The following TGFBR3 variants were observed in gnomAD, a reference collection of about 807,000 sequenced individuals.
TGFBR3 encodes transforming growth factor beta receptor 3.
In TGFBR3, 46 loss-of-function variants were observed where a neutral mutation model predicts 87.9. That is an observed-to-expected ratio of 0.52 (90% CI 0.41 to 0.67). The LOEUF is 0.67. TGFBR3 is among the 30% of genes least tolerant of loss of function. The pLI is 0.00. For synonymous variants in TGFBR3, 381 were observed against 391.6 expected, an observed-to-expected ratio of 0.97 and a Z score of 0.32; for missense variants, 866 against 1,041.9, an observed-to-expected ratio of 0.83 and a Z score of 2.32.
intron 4 of TGFBR3, among the ~76,000 whole-genome samples, chr1:91,748,408 G>C (rs1673420658): frequency 6.6e-6 from 1 of 152,200 alleles, no homozygotes; most frequent in Non-Finnish European, 1.5e-5. Flanking sequence ...CTCCAACTGG[G>C]ACCCCAGAGG....
At chr1:91,711,866 A>G (rs1671993645) in intron 13 of TGFBR3, among the ~76,000 whole-genome samples, 1 of 152,218 alleles carries the variant, frequency 6.6e-6, no homozygotes, top group African/African-American at 2.4e-5. Context: ...AAAAACAATG[A>G]CAATGCCAGT....
At chr1:91,782,519 T>C (rs1674811083) in intron 3 of TGFBR3, among the ~76,000 whole-genome samples, 1 of 152,156 alleles carries the variant, frequency 6.6e-6, no homozygotes, top group Non-Finnish European at 1.5e-5. Flanking sequence ...TGCTTGCACA[T>C]CGACTGACCT....
intron 1 of TGFBR3, chr1:91,864,054 T>C (rs1557751404): frequency 6.6e-6 from 1 of 152,234 alleles, no homozygotes; most frequent in Non-Finnish European, 1.5e-5. Context: ...TCTGAAACAA[T>C]ATGCTATTTC....
chr1:91,862,489 C>T (rs1343650924), intron 1 of TGFBR3, among the ~76,000 whole-genome samples: 1 of 152,192 alleles, frequency 6.6e-6, no homozygotes, highest in African/African-American at 2.4e-5. Flanking sequence ...TGTCTCTCAG[C>T]CCATCTGAGA....
intron 3 of TGFBR3, among the ~76,000 whole-genome samples, chr1:91,779,864 C>T (rs11589149): frequency 1.3e-5 from 2 of 152,138 alleles, no homozygotes; most frequent in Non-Finnish European, 2.9e-5. Flanking sequence ...ATCAGCATTG[C>T]TAGGCCAAAA....
intron 3 of TGFBR3, among the ~76,000 whole-genome samples, chr1:91,769,687 T>C (rs1405152363): frequency 6.6e-6 from 1 of 152,034 alleles, no homozygotes; most frequent in Non-Finnish European, 1.5e-5. Context: ...GGATGCCCTG[T>C]TTCCATGTGT....
chr1:91,716,480 T>A (rs529062256), intron 11 of TGFBR3, 86 bp from the exon 12 acceptor site: 32 of 1,613,804 alleles, frequency 2.0e-5, no homozygotes, highest in Admixed American at 5.0e-5. Context: ...GCTTTTAACA[T>A]CTGATTTTAT....
chr1:91,702,153 G>A (rs576261482), intron 14 of TGFBR3, among the ~76,000 whole-genome samples: 1 of 152,088 alleles, frequency 6.6e-6, no homozygotes, highest in Non-Finnish European at 1.5e-5. Context: ...ACTACAAAGG[G>A]TATTCCAGCC....
intron 1 of TGFBR3, among the ~76,000 whole-genome samples, chr1:91,884,735 C>T (rs536316238): frequency 3.9e-4 from 60 of 152,326 alleles, no homozygotes; most frequent in African/African-American, 1.2e-3. Flanking sequence ...ACAGTATGGG[C>T]TTAGAAAACG....
chr1:91,827,603 A>G (rs1327151396), intron 2 of TGFBR3, among the ~76,000 whole-genome samples: 1 of 152,176 alleles, frequency 6.6e-6, no homozygotes, highest in Non-Finnish European at 1.5e-5. Context: ...GCTTCTTTGT[A>G]TGCACGCCGC....
At chr1:91,876,102 T>G in intron 1 of TGFBR3, among the ~76,000 whole-genome samples, 1 of 149,220 alleles carries the variant, frequency 6.7e-6, no homozygotes, top group African/African-American at 2.5e-5. Context: ...CTCATGGGGG[T>G]GTGGTGGGGG....
chr1:91,896,890 A>T (rs1332110332), intron 2 of TGFBR3, among the ~76,000 whole-genome samples: 2 of 148,288 alleles, frequency 1.3e-5, no homozygotes, highest in African/African-American at 5.0e-5. Context: ...TAATGTACAC[A>T]TCCCCTACTT....
intron 1 of TGFBR3, among the ~76,000 whole-genome samples, chr1:91,868,810 G>A (rs1036900316): frequency 2.0e-5 from 3 of 152,168 alleles, no homozygotes; most frequent in Non-Finnish European, 4.4e-5. Flanking sequence ...ATAGTGAAAC[G>A]CTGTCTCTAC....
At chr1:91,842,359 TA>T (rs1409770811) in intron 2 of TGFBR3, among the ~76,000 whole-genome samples, 1 of 152,058 alleles carries the variant, frequency 6.6e-6, no homozygotes, top group African/African-American at 2.4e-5. Flanking sequence ...AGCCTAGAGG[TA>T]CCATATAGAT....
intron 3 of TGFBR3, among the ~76,000 whole-genome samples, chr1:91,795,557 C>T (rs1231079309): frequency 6.6e-6 from 1 of 152,240 alleles, no homozygotes; most frequent in Non-Finnish European, 1.5e-5. Flanking sequence ...AACAACAGTA[C>T]TGCACAATTT....
intron 2 of TGFBR3, among the ~76,000 whole-genome samples, chr1:91,818,329 T>G (rs1355611622): frequency 1.6e-5 from 2 of 127,518 alleles, no homozygotes; most frequent in Non-Finnish European, 1.6e-5. Flanking sequence ...TTTAGGAAAG[T>G]TTAGGACAGC....
intron 1 of TGFBR3, among the ~76,000 whole-genome samples, chr1:91,904,991 T>C (rs919188255): frequency 2.6e-5 from 4 of 152,132 alleles, no homozygotes; most frequent in African/African-American, 9.7e-5. Context: ...TGAGCCACCA[T>C]GCCTGGCCAG....
chr1:91,853,259 CAAAAAAAA>C (rs11340974), intron 2 of TGFBR3, among the ~76,000 whole-genome samples: 51 of 76,612 alleles, frequency 6.7e-4, no homozygotes, highest in East Asian at 7.9e-4. Flanking sequence ...TGAGGGTTGG[CAAAAAAAA>C]AAAAAAAAAA....
intron 1 of TGFBR3, among the ~76,000 whole-genome samples, chr1:91,901,928 C>G (rs1306967830): frequency 7.2e-6 from 1 of 139,342 alleles, no homozygotes; most frequent in South Asian, 2.3e-4. Context: ...TGACCCTCCC[C>G]CACCCCACCA....
Sources: gnomAD v4.1 joint callset for allele counts (sites outside exome capture counted in the v4.1 genomes callset) on GRCh38, gnomAD v4.1.1 for gene constraint, MANE v1.5 for transcripts, NCBI Gene and HGNC (gene_info 2026-07-23, HGNC 2026-07-21) for gene names.